Variants in CDH4 observed in about 807,000 individuals in gnomAD.
CDH4 encodes cadherin 4.
CDH4 carries 33 observed loss-of-function variants against 86.0 expected under a neutral mutation model. That is an observed-to-expected ratio of 0.38 (90% confidence interval 0.29 to 0.51). The LOEUF (loss-of-function observed/expected upper bound fraction) is 0.51, where lower values mean the gene tolerates loss of function less well. Ranked by LOEUF, CDH4 falls within the 20% of genes least tolerant of loss-of-function variation. The probability of loss-of-function intolerance (pLI) is 0.86; values close to 1 mark genes in which losing one functional copy is unlikely to be tolerated. For synonymous variants in CDH4, 555 were observed against 549.4 expected (o/e 1.01, Z -0.14); for missense variants, 1,114 against 1,307.4 (o/e 0.85, Z 2.28).
At chr20:61,483,800 A>C (rs2085581119) in intron 2 of CDH4, among the ~76,000 whole-genome samples, 1 of 152,172 alleles carries the variant, frequency 6.6e-6, no homozygotes, top group South Asian at 2.1e-4. Context: ...TTGCAGAAGA[A>C]CCATGCAGCT....
chr20:61,822,804 C>T (rs764864370), intron 4 of CDH4, among the ~76,000 whole-genome samples: 6 of 152,210 alleles, frequency 3.9e-5, no homozygotes, highest in East Asian at 1.9e-4. Context: ...CCCTAATGGA[C>T]GAGGGCTGCC....
chr20:61,755,770 A>G (rs751484105), intron 3 of CDH4, among the ~76,000 whole-genome samples: 1 of 145,818 alleles, frequency 6.9e-6, no homozygotes, highest in Non-Finnish European at 1.5e-5. Flanking sequence ...CACACTACAC[A>G]CATATACACA....
chr20:61,599,715 T>G lies in CDH4; in HGVS notation c.170-143848T>G, dbSNP rs149465070. On this transcript the variant is annotated intron_variant, in intron 2 of 15. Coordinates refer to ENST00000614565, the MANE Select transcript of CDH4 (RefSeq NM_001794.5). ...GTCTCTGCGTCTGGGCTCCTTCATC[T>G]GCCGAGGCCCCGCTCCTCCTCCTGA... 422 of 778,568 alleles carry G rather than the reference T, an allele frequency of 5.4e-4. No homozygotes were observed. In the African/African-American group the frequency reaches 7.0e-3, roughly 13 times the overall value. The allele number at this position is 778,568 out of a possible 1,614,324, so 48.2% of individuals were successfully genotyped here. A position where few individuals can be genotyped will look rare whatever the true frequency, so the allele number is the denominator to read the frequency against.
chr20:61,833,786 A>G (rs1192429907), intron 4 of CDH4, among the ~76,000 whole-genome samples: 2 of 152,042 alleles, frequency 1.3e-5, no homozygotes, highest in African/African-American at 4.8e-5. Context: ...ATCCTCAGTT[A>G]CCATCTTTCA....
chr20:61,324,980 T>C (rs2084529052), intron 2 of CDH4, among the ~76,000 whole-genome samples: 1 of 152,172 alleles, frequency 6.6e-6, no homozygotes, highest in African/African-American at 2.4e-5. Flanking sequence ...CTCACAGCCA[T>C]GCCTGCAGGG....
chr20:61,808,766 G>A (rs543685790), intron 4 of CDH4, among the ~76,000 whole-genome samples: 24 of 152,346 alleles, frequency 1.6e-4, no homozygotes, highest in Middle Eastern at 3.4e-3. Context: ...GGCCAAGGGC[G>A]AGTGTCCACA....
chr20:61,680,000 C>A (rs531250401), intron 2 of CDH4, among the ~76,000 whole-genome samples: 1 of 152,172 alleles, frequency 6.6e-6, no homozygotes, highest in African/African-American at 2.4e-5. Flanking sequence ...AAGCTTGCAG[C>A]CCCCAGGAAG....
At chr20:61,611,081 T>C (rs2086681787) in intron 2 of CDH4, among the ~76,000 whole-genome samples, 1 of 151,762 alleles carries the variant, frequency 6.6e-6, no homozygotes, top group South Asian at 2.1e-4. Context: ...GGCTCTTCGG[T>C]GGGGTGGAGG....
At chr20:61,330,720 T>G (rs1325628986) in intron 2 of CDH4, among the ~76,000 whole-genome samples, 11 of 152,208 alleles carry the variant, frequency 7.2e-5, no homozygotes, top group Admixed American at 7.2e-4. Context: ...GGGAATTCGC[T>G]TTTCTCACGT....
At chr20:61,253,951 G>A (rs979855203) in intron 1 of CDH4, among the ~76,000 whole-genome samples, 3 of 152,218 alleles carry the variant, frequency 2.0e-5, no homozygotes, top group African/African-American at 7.2e-5. Flanking sequence ...AGCGGGGCTG[G>A]CTTCCCGCTT....
intron 2 of CDH4, among the ~76,000 whole-genome samples, chr20:61,728,316 G>A (rs540407072): frequency 6.6e-5 from 10 of 152,208 alleles, no homozygotes; most frequent in Non-Finnish European, 1.3e-4. Flanking sequence ...AGGGTGGAAG[G>A]GAGCAGGGTG....
chr20:61,831,635 C>T (rs993222264), intron 4 of CDH4, among the ~76,000 whole-genome samples: 4 of 152,218 alleles, frequency 2.6e-5, no homozygotes, highest in Admixed American at 6.5e-5. Context: ...AGCAAATGTC[C>T]GGCAGGCCAC....
At chr20:61,592,690 G>GC (rs1600789274) in intron 2 of CDH4, among the ~76,000 whole-genome samples, 1 of 152,188 alleles carries the variant, frequency 6.6e-6, no homozygotes, top group East Asian at 1.9e-4. Context: ...CTGTGGATTT[G>GC]CCTTTTCGGG....
rs555737683 is a variant in CDH4 at position 61,807,868 on chromosome 20, C to T, written c.576+34686C>T. Reference sequence around the variant, plus strand: ...CTGTCGCTTTCGTTAGGTTAGAGGCCGTCCACTGGGCAGCAGGCTGTGGGC... The same window carrying T: ...CTGTCGCTTTCGTTAGGTTAGAGGCTGTCCACTGGGCAGCAGGCTGTGGGC... On this transcript the variant is annotated intron_variant, in intron 4 of 15. Transcript: ENST00000614565. This position sits in a 1 kb window ranked among gnomAD's most constrained non-coding sequence, Gnocchi z 4.5. 4.6e-5 allele frequency among the ~76,000 whole-genome samples: 7 copies of T among 152,318 alleles called. No homozygotes were observed. Among genetic ancestry groups the T allele is most frequent in the African/African-American group, 1.4e-4 (6 of 41,584 alleles).
chr20:61,413,474 C>G (rs1007559602), intron 2 of CDH4, among the ~76,000 whole-genome samples: 1 of 152,118 alleles, frequency 6.6e-6, no homozygotes, highest in South Asian at 2.1e-4. Flanking sequence ...CTGTAACAAG[C>G]CCCCCTGAGC....
intron 2 of CDH4, among the ~76,000 whole-genome samples, chr20:61,333,910 G>C (rs574636321): frequency 6.6e-6 from 1 of 152,240 alleles, no homozygotes. Context: ...CAGACCAGGG[G>C]CACCATGAGG....
intron 4 of CDH4, among the ~76,000 whole-genome samples, chr20:61,799,291 C>T (rs576207201): frequency 2.6e-5 from 4 of 152,218 alleles, no homozygotes; most frequent in Non-Finnish European, 4.4e-5. Context: ...TTGAGTTGGG[C>T]GAAACCCAGC....
chr20:61,299,546 C>G (rs6101299), intron 2 of CDH4, among the ~76,000 whole-genome samples: 2,250 of 152,336 alleles, frequency 0.015, 61 homozygotes, highest in African/African-American at 0.052. Context: ...AACCTGACTT[C>G]TTAGTAACTC....
chr20:61,400,293 C>T (rs1323592809), intron 2 of CDH4, among the ~76,000 whole-genome samples: 1 of 152,120 alleles, frequency 6.6e-6, no homozygotes, highest in African/African-American at 2.4e-5. Context: ...ATCAACAGGA[C>T]CTCTCAGGAG....
Sources: gnomAD v4.1 joint callset for allele counts (sites outside exome capture counted in the v4.1 genomes callset) on GRCh38, gnomAD v4.1.1 for gene constraint, Gnocchi (gnomAD v3.1) non-coding constraint, MANE v1.5 for transcripts, NCBI Gene and HGNC (gene_info 2026-07-23, HGNC 2026-07-21) for gene names.